The following RTEL1 variants were observed in gnomAD, a reference collection of about 807,000 sequenced individuals.
The protein encoded by RTEL1 is regulator of telomere elongation helicase 1, also known as regulator of telomere length.
RTEL1 carries 86 observed loss-of-function variants against 162.2 expected under a neutral mutation model. The ratio of observed to expected loss-of-function variants is 0.53; its 90% CI spans 0.45 to 0.63. RTEL1 has a LOEUF of 0.63. Among genes scored for constraint, RTEL1 ranks in the 30% least tolerant of loss-of-function variants. RTEL1 has a pLI of 0.00. For synonymous variants in RTEL1, 958 were observed against 717.9 expected, an observed-to-expected ratio of 1.33 and a Z score of -5.35; for missense variants, 1,941 against 1,750.2, an observed-to-expected ratio of 1.11 and a Z score of -1.95.
Position 63,678,340 on chromosome 20 carries a change from C to G in RTEL1, c.1031C>G (p.Pro344Arg). The G allele has an allele frequency of 6.2e-7, 1 of 1,611,822 alleles. No homozygotes were observed. The highest frequency in any genetic ancestry group is 8.5e-7 in the Non-Finnish European group (1 of 1,179,482). The change falls in exon 12 of 35, where the codon CCA (proline) becomes CGA (arginine). Residue 344 changes from proline to arginine, a missense_variant. Physicochemically the swap from Pro to Arg is moderately radical, Grantham distance 103. Coordinates refer to ENST00000360203, the MANE Select transcript of RTEL1 (RefSeq NM_001283009.2). ...LPGDDSGVTK[P>R]GSYIFELFAE... The stretch of plus-strand genomic sequence containing the variant: ...GGAGACGACAGCGGTGTCACCAAGC[C>G]AGGGAGGTGAGAGGCGGGGAGCCAG...
intron 10 of RTEL1, among the ~76,000 whole-genome samples, chr20:63,676,895 A>G (rs1166263659): frequency 4.7e-5 from 6 of 128,174 alleles, no homozygotes; most frequent in African/African-American, 1.9e-4. Context: ...AGATCGCACC[A>G]TTGCACTCCA....
In RTEL1 at chr20:63,661,151, G is replaced by A. The variant is rs368098336; in HGVS notation, c.103-147G>A. On this transcript the variant is annotated intron_variant, in intron 2 of 34. Coordinates refer to ENST00000360203, the MANE Select transcript of RTEL1 (RefSeq NM_001283009.2). The surrounding 1 kb of genome is among the most constrained non-coding windows in gnomAD (Gnocchi z 5.1). ...GTGGGACTTGCCTGTGGACTTCTCCGCGGTCCCACAGGGCTCTCGCCACCT... is the reference window on the plus strand; with the variant it reads ...GTGGGACTTGCCTGTGGACTTCTCCACGGTCCCACAGGGCTCTCGCCACCT... The A allele has an allele frequency of 5.7e-5, 39 of 682,098 alleles. No homozygotes were observed. Among genetic ancestry groups the A allele is most frequent in the South Asian group, 3.2e-4 (17 of 52,872 alleles). 42.3% of individuals were successfully genotyped at this position (682,098 alleles called of 1,614,324 possible).
rs41308088 is a variant in RTEL1 at position 63,661,765 on chromosome 20, C to T, written c.302-85C>T. The T allele has an allele frequency of 0.083, 101,774 of 1,229,230 alleles. 4,812 individuals carry two copies. The highest frequency in any genetic ancestry group is 0.17 in the Middle Eastern group (897 of 5,350). The allele number at this position is 1,229,230 out of a possible 1,614,324, so 76.1% of individuals were successfully genotyped here. A position where few individuals can be genotyped will look rare whatever the true frequency, so the allele number is the denominator to read the frequency against. ...TCAGATTCTTGGCTGTCTGCAGGGC[C>T]GAGTTAGCCGAATGCCACCTGCCTT... On this transcript the variant is annotated intron_variant, in intron 3 of 34. Transcript: ENST00000360203. The surrounding 1 kb of genome is among the most constrained non-coding windows in gnomAD (Gnocchi z 5.1).
intron 8 of RTEL1, among the ~76,000 whole-genome samples, chr20:63,671,256 T>A (rs2090235557): frequency 6.6e-6 from 1 of 151,380 alleles, no homozygotes; most frequent in South Asian, 2.1e-4. Flanking sequence ...AGACGGCAGT[T>A]CGCCATGTTG....
chr20:63,674,028 A>C lies in RTEL1; in HGVS notation c.854A>C (p.Glu285Ala). 6.2e-7 allele frequency: 1 copy of C among 1,614,024 alleles called. No individual in the cohort carries two copies. Among genetic ancestry groups the C allele is most frequent in the Non-Finnish European group, 8.5e-7 (1 of 1,180,016 alleles). The stretch of plus-strand genomic sequence containing the variant: ...GACGTCATAGACCAGGTGCTGGAGG[A>C]GCAGACCAAGGCAGCGCAGCAGGGT... ...GLDVIDQVLE[E>A]QTKAAQQGEP... The change falls in exon 10 of 35, where the codon GAG becomes GCG. Residue 285 changes from glutamate (E) to alanine (A), a missense_variant. Physicochemically the swap from Glu to Ala is moderately radical, Grantham distance 107 (BLOSUM62 -1). Transcript: ENST00000360203.
In RTEL1 at chr20:63,696,178, C is replaced by G; in HGVS notation, c.*320C>G. On this transcript the variant is annotated 3_prime_UTR_variant, in exon 35 of 35. Coordinates refer to ENST00000360203, the MANE Select transcript of RTEL1 (RefSeq NM_001283009.2). ...AGCCCCTCACCGGGAAGGAGGAGAC[C>G]CCCGTGGGCACGTGTCCACTTTTAA... 2 of 456,608 alleles carry G rather than the reference C, an allele frequency of 4.4e-6. No homozygotes were observed. The allele number at this position is 456,608 out of a possible 1,614,324, so 28.3% of individuals were successfully genotyped here.
At chr20:63,693,343 G>C (rs576611323) in intron 30 of RTEL1, 60 bp downstream of exon 30, 36 of 1,593,896 alleles carry the variant, frequency 2.3e-5, no homozygotes, top group Non-Finnish European at 2.7e-5. Context: ...GTGGGCCAGA[G>C]TCCTGGGCTG....
chr20:63,667,384 C>G, intron 7 of RTEL1, 85 bp from the exon 8 acceptor site: 2 of 1,070,342 alleles, frequency 1.9e-6, no homozygotes, highest in Non-Finnish European at 2.9e-6. Flanking sequence ...GATGAGGGCT[C>G]CTTCCGGGTC....
rs2090470724 is a variant in RTEL1 at position 63,681,160 on chromosome 20, G to T, written c.1191+441G>T. On this transcript the variant is annotated intron_variant, in intron 14 of 34. Transcript: ENST00000360203. The stretch of plus-strand genomic sequence containing the variant: ...GTTCCCGGCAGGGGTGTCCCTGGGA[G>T]CCCATGATTGGGGGTGCGACCCTGG... 8 of 985,256 alleles carry T rather than the reference G, an allele frequency of 8.1e-6. No individual in the cohort carries two copies. In the South Asian group the frequency reaches 1.4e-4, roughly 17 times the overall value. 61.0% of individuals were successfully genotyped at this position (985,256 alleles called of 1,614,324 possible).
At chr20:63,685,900 G>A (rs368839164) in intron 16 of RTEL1, 28 bp downstream of exon 16, 111 of 1,597,834 alleles carry the variant, frequency 6.9e-5, no homozygotes, top group Non-Finnish European at 9.2e-5. Flanking sequence ...CACGCTCCCC[G>A]CCCGCCCGGG....
In RTEL1 at chr20:63,692,023, C is replaced by T. The variant is rs2090758949; in HGVS notation, c.2652+186C>T. ...TGTGTGGTTTCTTCTGCAGGGGGCT[C>T]ATGAGTCCCAGCTGGAATCAGGCCC... On this transcript the variant is annotated intron_variant, in intron 28 of 34. Transcript: ENST00000360203. The T allele has an allele frequency of 7.2e-6, 4 of 559,262 alleles. No individual in the cohort carries two copies. In the East Asian group the frequency reaches 9.1e-5, roughly 13 times the overall value. The allele number at this position is 559,262 out of a possible 1,614,324, so 34.6% of individuals were successfully genotyped here. A position where few individuals can be genotyped will look rare whatever the true frequency, so the allele number is the denominator to read the frequency against.
rs2090975921 is a variant in RTEL1, at chr20:63,696,167, AAGG to A, written c.*315_*317del. On this transcript the variant is annotated 3_prime_UTR_variant, in exon 35 of 35. Coordinates refer to ENST00000360203, the MANE Select transcript of RTEL1 (RefSeq NM_001283009.2). ...CACCCCAGCTGAGCCCCTCACCGGG[AAGG>A]AGGAGACCCCCGTGGGCACGTGTCC... 1 of 475,000 alleles carries A rather than the reference AAGG, an allele frequency of 2.1e-6. No homozygotes were observed. 29.4% of individuals were successfully genotyped at this position (475,000 alleles called of 1,614,324 possible).
chr20:63,659,336 T>C lies in RTEL1; in HGVS notation c.-67T>C. On this transcript the variant is annotated 5_prime_UTR_variant, in exon 2 of 35. Coordinates refer to ENST00000360203, the MANE Select transcript of RTEL1 (RefSeq NM_001283009.2). ...GAGACCCTAAGATGTTCGGAGTGGT[T>C]TTTTCGCACAGACCCGAATAGCCTG... is the stretch of plus-strand genomic sequence containing the variant. 2 of 1,219,350 alleles carry C rather than the reference T, an allele frequency of 1.6e-6. No homozygotes were observed. Among genetic ancestry groups the C allele is most frequent in the Non-Finnish European group, 2.4e-6 (2 of 824,112 alleles). The allele number at this position is 1,219,350 out of a possible 1,614,324, so 75.5% of individuals were successfully genotyped here. A position where few individuals can be genotyped will look rare whatever the true frequency, so the allele number is the denominator to read the frequency against.
rs2090975544 is a variant in RTEL1 at position 63,696,156 on chromosome 20, C to T, written c.*298C>T. 6.2e-6 allele frequency: 3 copies of T among 486,626 alleles called. No homozygotes were observed. The highest frequency in any genetic ancestry group is 7.4e-5 in the Admixed American group (2 of 27,036). The allele number at this position is 486,626 out of a possible 1,614,324, so 30.1% of individuals were successfully genotyped here. A position where few individuals can be genotyped will look rare whatever the true frequency, so the allele number is the denominator to read the frequency against. On this transcript the variant is annotated 3_prime_UTR_variant, in exon 35 of 35. Transcript: ENST00000360203. Reference sequence around the variant, plus strand: ...TGCCACAGGGGCACCCCAGCTGAGCCCCTCACCGGGAAGGAGGAGACCCCC... The same window carrying T: ...TGCCACAGGGGCACCCCAGCTGAGCTCCTCACCGGGAAGGAGGAGACCCCC...
rs1375497624 is a variant in RTEL1, at chr20:63,692,892, A to G, written c.2740A>G (p.Thr914Ala). The change falls in exon 29 of 35, where the codon ACC (threonine) becomes GCC (alanine). Residue 914 changes from threonine to alanine, a missense_variant. Coordinates refer to ENST00000360203, the MANE Select transcript of RTEL1 (RefSeq NM_001283009.2). ...GGAGTTGAGCCAAGCCAACTTTGCC[A>G]CCTTCACCCAGGCCCTGCAGGACTA... ...KQELSQANFA[T>A]FTQALQDYKG... The G allele has an allele frequency of 3.1e-6, 5 of 1,612,576 alleles. No homozygotes were observed. The South Asian group carries it at 5.5e-5, about 18-fold the overall frequency.
chr20:63,686,029 G>C lies in RTEL1; in HGVS notation c.1348+157G>C, dbSNP rs2145413304. 4.4e-6 allele frequency: 3 copies of C among 686,412 alleles called. No homozygotes were observed. In the East Asian group the frequency reaches 8.1e-5, roughly 19 times the overall value. 42.5% of individuals were successfully genotyped at this position (686,412 alleles called of 1,614,324 possible). On this transcript the variant is annotated intron_variant, in intron 16 of 34. Coordinates refer to ENST00000360203, the MANE Select transcript of RTEL1 (RefSeq NM_001283009.2). ...GCCAATCCAGAGCATTCTCCTCACT[G>C]TCCCTCTGAAGATTGGAGTTACTGA...
Position 63,667,363 on chromosome 20 carries a change from C to A in RTEL1, c.615-106C>A, listed in dbSNP as rs529553783. The A allele has an allele frequency of 4.8e-3, 4,221 of 877,142 alleles. 164 individuals carry two copies. In the South Asian group the frequency reaches 0.053, roughly 11 times the overall value. The allele number at this position is 877,142 out of a possible 1,614,324, so 54.3% of individuals were successfully genotyped here. A position where few individuals can be genotyped will look rare whatever the true frequency, so the allele number is the denominator to read the frequency against. ...CCAGGCAGCAGCTTCCCACCTGGGC[C>A]CTACGTGCAGGATGAGGGCTCCTTC... On this transcript the variant is annotated intron_variant, in intron 7 of 34. Transcript: ENST00000360203.
intron 26 of RTEL1, 60 bp downstream of exon 26, chr20:63,690,501 G>A (rs1325266288): frequency 6.4e-6 from 9 of 1,412,530 alleles, no homozygotes; most frequent in Admixed American, 2.4e-5. Flanking sequence ...GGCGTGGGGC[G>A]GGCAGCACCA....
intron 8 of RTEL1, among the ~76,000 whole-genome samples, chr20:63,671,746 C>T (rs2090247393): frequency 6.6e-6 from 1 of 151,294 alleles, no homozygotes; most frequent in South Asian, 2.1e-4. Context: ...CTGCCTCGGC[C>T]TCCGAAAGTG....
Sources: gnomAD v4.1 joint callset for allele counts (sites outside exome capture counted in the v4.1 genomes callset) on GRCh38, gnomAD v4.1.1 for gene constraint, Gnocchi (gnomAD v3.1) non-coding constraint, MANE v1.5 for transcripts, NCBI Gene and HGNC (gene_info 2026-07-23, HGNC 2026-07-21) for gene names.